The following MYLK4 variants were observed in gnomAD, a reference collection of about 807,000 sequenced individuals.
MYLK4 encodes myosin light chain kinase family member 4, also known as caMLCK like.
Under a neutral mutation model 48.1 loss-of-function variants are expected in MYLK4, and 46 were observed. The observed-to-expected ratio is 0.96, with a 90% confidence interval of 0.75 to 1.22. The LOEUF (loss-of-function observed/expected upper bound fraction) is 1.22, where lower values mean the gene tolerates loss of function less well. Among genes scored for constraint, MYLK4 ranks in the 50% most tolerant of loss-of-function variants. MYLK4 has a pLI of 0.00. For missense variants in MYLK4, 451 were observed against 486.1 expected (o/e 0.93, Z 0.68); for synonymous variants, 170 against 180.8 (o/e 0.94, Z 0.48).
chr6:2,753,577 A>G (rs1000002472), upstream of MYLK4, among the ~76,000 whole-genome samples: 1 of 152,230 alleles, frequency 6.6e-6, no homozygotes, highest in Non-Finnish European at 1.5e-5. Context: ...AAATGAAAAG[A>G]CACTATTATG....
chr6:2,765,289 C>T, the MYLK4 span: 1 of 171,684 alleles, frequency 5.8e-6, no homozygotes, highest in Admixed American at 6.5e-5. Context: ...CCCGAAGTGC[C>T]GCGCGAGGTA....
chr6:2,747,007 G>A (rs900031444), intron 2 of MYLK4, among the ~76,000 whole-genome samples: 1 of 152,200 alleles, frequency 6.6e-6, no homozygotes. Flanking sequence ...CGTGGACGGA[G>A]AGAGACAGGG....
chr6:2,704,197 G>A (rs974080690), intron 2 of MYLK4, among the ~76,000 whole-genome samples: 2 of 152,212 alleles, frequency 1.3e-5, no homozygotes, highest in Admixed American at 1.3e-4. Flanking sequence ...ATGCCAGGCT[G>A]TATTTACTGA....
the MYLK4 span, chr6:2,766,204 C>G: frequency 1.4e-6 from 2 of 1,441,028 alleles, no homozygotes; most frequent in Admixed American, 2.7e-5. Context: ...CGGACGCTGC[C>G]GAAGCCGCCA....
chr6:2,728,144 A>G (rs529939496), intron 2 of MYLK4, among the ~76,000 whole-genome samples: 7 of 152,264 alleles, frequency 4.6e-5, no homozygotes, highest in Admixed American at 3.9e-4. Context: ...TGATATCTCT[A>G]TTTTTAAAAG....
At chr6:2,678,397 A>C (rs1199153209) in intron 9 of MYLK4, 25 bp from the exon 10 acceptor site, 1 of 1,610,656 alleles carries the variant, frequency 6.2e-7, no homozygotes, top group African/African-American at 1.3e-5. Context: ...GTCCAGAGTG[A>C]GTATTTTTTA....
chr6:2,682,464 G>A (rs974029741), intron 7 of MYLK4, among the ~76,000 whole-genome samples: 1 of 152,144 alleles, frequency 6.6e-6, no homozygotes, highest in African/African-American at 2.4e-5. Flanking sequence ...TGGCAGTGGG[G>A]TGCCCACCCC....
intron 2 of MYLK4, among the ~76,000 whole-genome samples, chr6:2,738,938 G>A (rs570131024): frequency 5.9e-5 from 9 of 152,276 alleles, no homozygotes; most frequent in Admixed American, 4.6e-4. Context: ...GTTAATGTAA[G>A]TTTATCCATT....
At chr6:2,766,663 G>T in the MYLK4 span, among the ~76,000 whole-genome samples, 1 of 152,224 alleles carries the variant, frequency 6.6e-6, no homozygotes, top group Non-Finnish European at 1.5e-5. Flanking sequence ...AGGCAGGCTT[G>T]CCGGGTTTGC....
chr6:2,768,780 T>C, the MYLK4 span: 7 of 1,614,020 alleles, frequency 4.3e-6, no homozygotes, highest in East Asian at 1.3e-4. Context: ...AGACAAATGA[T>C]GTGCGAGATG....
At position 2,692,839 on chromosome 6, in the gene MYLK4, G is replaced by A. The variant is rs762225371; in HGVS notation, c.180C>T (p.Asn60=). 5.6e-6 allele frequency: 9 copies of A among 1,613,516 alleles called. No individual in the cohort carries two copies. The highest frequency in any genetic ancestry group is 2.2e-5 in the South Asian group (2 of 90,868). Residue 60 remains asparagine (N), a synonymous_variant, in exon 3 of 13, where the codon AAC becomes AAT. Transcript: ENST00000274643. ...CGGGCATCCTTTCCGTCAGGTCGGC[G>A]TTTGACCACACCTCCTTCGCCTGTG... ...GHNEAKEVWS[N]ADLTERMPVK... is the part of the protein sequence containing the mutation.
In MYLK4 at chr6:2,685,280, C is replaced by T. The variant is rs1357838989; in HGVS notation, c.545+16G>A. 18 of 1,578,532 alleles carry T rather than the reference C, an allele frequency of 1.1e-5. No individual in the cohort carries two copies. Among genetic ancestry groups the T allele is most frequent in the Middle Eastern group, 2.1e-4 (1 of 4,786 alleles). The stretch of plus-strand genomic sequence containing the variant: ...GCCCTTGGGGAGGTCAGGGAGGGGG[C>T]GGAGGGGATACGTACTACTCCATGA... On this transcript the variant is annotated intron_variant, in intron 6 of 12. Coordinates refer to ENST00000274643, the MANE Select transcript of MYLK4 (RefSeq NM_001012418.5). The surrounding 1 kb of genome is among the most constrained non-coding windows in gnomAD (Gnocchi z 4.5).
the MYLK4 span, among the ~76,000 whole-genome samples, chr6:2,760,712 A>C: frequency 6.6e-6 from 1 of 152,238 alleles, no homozygotes; most frequent in Non-Finnish European, 1.5e-5. Context: ...AAAAAGGCCA[A>C]GTATGAAATA....
intron 2 of MYLK4, among the ~76,000 whole-genome samples, chr6:2,697,095 G>T (rs1243350514): frequency 6.6e-6 from 1 of 152,182 alleles, no homozygotes; most frequent in Non-Finnish European, 1.5e-5. Flanking sequence ...AAAATAAAAT[G>T]CATGTAGTGG....
chr6:2,690,063 G>A (rs943876517), intron 3 of MYLK4, among the ~76,000 whole-genome samples: 3 of 152,194 alleles, frequency 2.0e-5, no homozygotes, highest in East Asian at 1.9e-4. Context: ...CAGGCTGTTA[G>A]ACTAAATGAA....
chr6:2,740,735 T>C (rs1435971108), intron 2 of MYLK4, among the ~76,000 whole-genome samples: 1 of 152,232 alleles, frequency 6.6e-6, no homozygotes, highest in Non-Finnish European at 1.5e-5. Flanking sequence ...TAAGAAATCC[T>C]ACATAAACTT....
At chr6:2,706,084 C>G (rs960165191) in intron 2 of MYLK4, among the ~76,000 whole-genome samples, 1 of 152,108 alleles carries the variant, frequency 6.6e-6, no homozygotes, top group Non-Finnish European at 1.5e-5. Flanking sequence ...GATCTTTTCC[C>G]ACACTTTCAT....
chr6:2,671,461 A>G (rs1002808706), intron 11 of MYLK4, 113 bp from the exon 12 acceptor site: 3 of 999,936 alleles, frequency 3.0e-6, no homozygotes, highest in Admixed American at 2.1e-5. Context: ...GTGCTCTTCA[A>G]GAGAAGTTCT....
chr6:2,765,623 A>G, the MYLK4 span: 2 of 1,528,100 alleles, frequency 1.3e-6, no homozygotes, highest in Non-Finnish European at 1.7e-6. Flanking sequence ...GGCGGCCGCC[A>G]TGGAGGTGAG....
Sources: allele counts gnomAD v4.1 joint callset (sites outside exome capture counted in the v4.1 genomes callset), GRCh38; gene constraint gnomAD v4.1.1; non-coding constraint Gnocchi (gnomAD v3.1); transcripts MANE v1.5; gene names NCBI Gene and HGNC (gene_info 2026-07-23, HGNC 2026-07-21).